FAM107B: variants seen among roughly 807,000 people sequenced by gnomAD.
FAM107B encodes the protein family with sequence similarity 107 member B, also known as protein FAM107B.
FAM107B carries 21 observed loss-of-function variants against 31.5 expected under a neutral mutation model. That is an observed-to-expected ratio of 0.67 (90% CI 0.47 to 0.96). The LOEUF is 0.96. Ranked by LOEUF, FAM107B falls within the 40% of genes least tolerant of loss-of-function variation. The pLI is 0.00. For missense variants in FAM107B, 452 were observed against 377.1 expected, an observed-to-expected ratio of 1.20 and a Z score of -1.64; for synonymous variants, 157 against 141.5, an observed-to-expected ratio of 1.11 and a Z score of -0.78.
Position 14,620,695 on chromosome 10 carries a change from C to G in FAM107B, c.469+46939G>C, listed in dbSNP as rs181594155. On this transcript the variant is annotated intron_variant, in intron 2 of 4. Coordinates refer to ENST00000181796, the MANE Select transcript of FAM107B (RefSeq NM_031453.4). ...ATCCCTCTCCCAGCCCGCCATCCCC[C>G]CACAGGCCCTGGTGTGTGATGTTCC... 3.3e-3 allele frequency among the ~76,000 whole-genome samples: 496 copies of G among 152,266 alleles called. 1 individual carries two copies. The highest frequency in any genetic ancestry group is 7.5e-3 in the Admixed American group (114 of 15,296).
intron 2 of FAM107B, among the ~76,000 whole-genome samples, chr10:14,657,400 T>C (rs1854089540): frequency 1.3e-5 from 2 of 152,288 alleles, no homozygotes; most frequent in African/African-American, 2.4e-5. Context: ...TGGACACAGA[T>C]TGGCACATCT....
rs116722648 is a variant in FAM107B, at chr10:14,712,154, G to A, written c.412-44463C>T. Among the ~76,000 whole-genome samples, 159 of 152,216 alleles carry A rather than the reference G, an allele frequency of 1.0e-3. 1 individual carries two copies. The highest frequency in any genetic ancestry group is 3.7e-3 in the African/African-American group (152 of 41,520). ...ATACACAGATTTATTGATAGTTTTC[G>A]AAGGTACAGAACTTAGGATATTCAA... On this transcript the variant is annotated intron_variant, in intron 1 of 4. Coordinates refer to ENST00000181796, the MANE Select transcript of FAM107B (RefSeq NM_031453.4).
intron 3 of FAM107B, among the ~76,000 whole-genome samples, chr10:14,522,682 G>A (rs1330197570): frequency 6.6e-6 from 1 of 152,114 alleles, no homozygotes; most frequent in African/African-American, 2.4e-5. Flanking sequence ...CCAAAGTGCT[G>A]GGATTACAGG....
At chr10:14,731,534 C>G (rs938860719) in intron 1 of FAM107B, among the ~76,000 whole-genome samples, 1 of 152,070 alleles carries the variant, frequency 6.6e-6, no homozygotes, top group South Asian at 2.1e-4. Flanking sequence ...TGCACTCCAG[C>G]CTGGGTGACA....
At chr10:14,601,074 T>G (rs1852381516) in intron 2 of FAM107B, among the ~76,000 whole-genome samples, 1 of 152,172 alleles carries the variant, frequency 6.6e-6, no homozygotes, top group South Asian at 2.1e-4. Flanking sequence ...GCCCAGTTCT[T>G]TAAATATCCT....
At chr10:14,651,491 G>A (rs776943320) in intron 2 of FAM107B, among the ~76,000 whole-genome samples, 5 of 152,140 alleles carry the variant, frequency 3.3e-5, no homozygotes, top group Non-Finnish European at 7.4e-5. Context: ...TGTAATCCCA[G>A]CTACTTAGGA....
intron 1 of FAM107B, among the ~76,000 whole-genome samples, chr10:14,715,592 C>T (rs1350914911): frequency 6.6e-6 from 1 of 152,148 alleles, no homozygotes; most frequent in Non-Finnish European, 1.5e-5. Flanking sequence ...AATTAGGAGA[C>T]TAACTAAAGA....
intron 2 of FAM107B, among the ~76,000 whole-genome samples, chr10:14,532,194 C>G (rs1356820464): frequency 6.6e-6 from 1 of 152,142 alleles, no homozygotes. Context: ...CCTTAAGCAC[C>G]TTGTGGGCTT....
chr10:14,774,220 C>T (rs1462594968), intron 1 of FAM107B, 33 bp downstream of exon 1: 1 of 1,570,944 alleles, frequency 6.4e-7, no homozygotes, highest in East Asian at 2.3e-5. Context: ...CAGCTCCATC[C>T]CGTCTATAAT....
chr10:14,610,496 C>T (rs1289675755), intron 2 of FAM107B, among the ~76,000 whole-genome samples: 2 of 152,158 alleles, frequency 1.3e-5, no homozygotes, highest in Non-Finnish European at 2.9e-5. Context: ...GAAGATAATG[C>T]CTTTCAATAA....
chr10:14,706,726 T>C (rs538015985), intron 1 of FAM107B, among the ~76,000 whole-genome samples: 14 of 152,354 alleles, frequency 9.2e-5, no homozygotes, highest in Admixed American at 6.5e-4. Context: ...TAGTCCATGC[T>C]GGAGACTATC....
chr10:14,765,601 C>A (rs1833145745), intron 1 of FAM107B, among the ~76,000 whole-genome samples: 1 of 152,146 alleles, frequency 6.6e-6, no homozygotes, highest in East Asian at 1.9e-4. Flanking sequence ...ACTCAAATAT[C>A]TTCTGTGTTT....
At chr10:14,671,380 G>A (rs964147222) in intron 1 of FAM107B, among the ~76,000 whole-genome samples, 3 of 152,156 alleles carry the variant, frequency 2.0e-5, no homozygotes, top group Admixed American at 6.5e-5. Flanking sequence ...AGAAAAGGGG[G>A]AAACAGGGAC....
chr10:14,747,494 C>CTGTTGT (rs1002865509), intron 1 of FAM107B, among the ~76,000 whole-genome samples: 2 of 152,052 alleles, frequency 1.3e-5, no homozygotes, highest in Non-Finnish European at 2.9e-5. Flanking sequence ...TTTGTTGATG[C>CTGTTGT]TGTTGTTGTT....
chr10:14,620,612 A>C (rs889202373), intron 2 of FAM107B, among the ~76,000 whole-genome samples: 1 of 152,090 alleles, frequency 6.6e-6, no homozygotes, highest in Non-Finnish European at 1.5e-5. Context: ...TACACGTGCC[A>C]TATTGGTTTG....
chr10:14,774,239 G>A lies in FAM107B; in HGVS notation c.411+14C>T, dbSNP rs1359853. 1.7e-3 allele frequency: 2,686 copies of A among 1,593,330 alleles called. 51 individuals carry two copies. In the South Asian group the frequency reaches 0.027, roughly 16 times the overall value. ...TCCATCCCGTCTATAATCGCAGAGCGAACACTCACTCACCTTGGGCGTGTC... is the reference window on the plus strand; with the variant it reads ...TCCATCCCGTCTATAATCGCAGAGCAAACACTCACTCACCTTGGGCGTGTC... On this transcript the variant is annotated intron_variant, in intron 1 of 4. Transcript: ENST00000181796.
At chr10:14,606,231 C>T (rs1043892205) in intron 2 of FAM107B, among the ~76,000 whole-genome samples, 3 of 152,166 alleles carry the variant, frequency 2.0e-5, no homozygotes, top group Admixed American at 1.3e-4. Flanking sequence ...TGCTCTTCCA[C>T]GGGCTTCCCC....
intron 2 of FAM107B, among the ~76,000 whole-genome samples, chr10:14,582,363 G>GT (rs1369801866): frequency 7.6e-6 from 1 of 131,142 alleles, no homozygotes; most frequent in East Asian, 2.3e-4. Flanking sequence ...GTTTGTTTTT[G>GT]TTTTTTCTTT....
chr10:14,748,259 T>G (rs1832764968), intron 1 of FAM107B, among the ~76,000 whole-genome samples: 1 of 152,228 alleles, frequency 6.6e-6, no homozygotes, highest in Non-Finnish European at 1.5e-5. Flanking sequence ...GTTGAAAGAA[T>G]GAGTGAATGT....
Sources: allele counts gnomAD v4.1 joint callset (sites outside exome capture counted in the v4.1 genomes callset), GRCh38; gene constraint gnomAD v4.1.1; transcripts MANE v1.5; gene names NCBI Gene and HGNC (gene_info 2026-07-23, HGNC 2026-07-21).